The following VMP1 variants were observed in gnomAD, a reference collection of about 807,000 sequenced individuals.
VMP1 encodes vacuole membrane protein 1, also known as ectopic P-granules autophagy protein 3 homolog.
A neutral mutation model predicts 56.0 loss-of-function variants in VMP1; 11 were observed. The ratio of observed to expected loss-of-function variants is 0.20; its 90% CI spans 0.12 to 0.32. The LOEUF is 0.32. VMP1 is among the 10% of genes least tolerant of loss of function. The pLI is 1.00. For synonymous variants in VMP1, 149 were observed against 165.0 expected (o/e 0.90, Z 0.74); for missense variants, 296 against 490.3 (o/e 0.60, Z 3.74).
At chr17:59,738,327 G>T (rs1321284247) in intron 4 of VMP1, among the ~76,000 whole-genome samples, 1 of 152,122 alleles carries the variant, frequency 6.6e-6, no homozygotes. Flanking sequence ...AAACATTAAT[G>T]TATTTTAACA....
intron 1 of VMP1, among the ~76,000 whole-genome samples, chr17:59,714,313 C>T (rs1329151960): frequency 1.3e-5 from 2 of 151,902 alleles, no homozygotes; most frequent in African/African-American, 4.8e-5. Context: ...CAGTCCTACC[C>T]CCATGATAAC....
Position 59,817,792 on chromosome 17 carries a change from A to T in VMP1, c.974+19A>T, listed in dbSNP as rs201541309. 46 of 1,576,908 alleles carry T rather than the reference A, an allele frequency of 2.9e-5. No homozygotes were observed. The highest frequency in any genetic ancestry group is 3.6e-5 in the Non-Finnish European group (41 of 1,153,406). ...TCATTGGGTAAGTAATTCTTCAAGG[A>T]CTAATATTAATATAATTACTCTTTA... On this transcript the variant is annotated intron_variant, in intron 10 of 11. Transcript: ENST00000262291.
chr17:59,751,744 CAAAAAAAAAAAAAAAA>C (rs932086949), intron 5 of VMP1, among the ~76,000 whole-genome samples: 4 of 42,594 alleles, frequency 9.4e-5, no homozygotes, highest in Non-Finnish European at 1.4e-4. Context: ...AACTCCGTCT[CAAAAAAAAAAAAAAAA>C]AAAAAAAAGT....
intron 7 of VMP1, among the ~76,000 whole-genome samples, chr17:59,798,779 G>A (rs912331987): frequency 3.9e-5 from 6 of 152,100 alleles, no homozygotes; most frequent in African/African-American, 2.4e-5. Flanking sequence ...CCAGCTACTC[G>A]GGAGGCTGAG....
chr17:59,824,220 C>T (rs1347247641), intron 10 of VMP1, among the ~76,000 whole-genome samples: 1 of 149,830 alleles, frequency 6.7e-6, no homozygotes, highest in Non-Finnish European at 1.5e-5. Context: ...CACTGCACTC[C>T]AGCCTGGGCG....
In VMP1 at chr17:59,737,692, A is replaced by G. The variant is rs541346384; in HGVS notation, c.303+149A>G. ...TCTCAAATGTTTTACTTTTAAAGGCATACACTAAAAATATTCTTGTGATGT... is the reference window on the plus strand; with the variant it reads ...TCTCAAATGTTTTACTTTTAAAGGCGTACACTAAAAATATTCTTGTGATGT... On this transcript the variant is annotated intron_variant, in intron 4 of 11. Transcript: ENST00000262291. 9.8e-6 allele frequency: 6 copies of G among 610,138 alleles called. No homozygotes were observed. The South Asian group carries it at 1.4e-4, about 14-fold the overall frequency. The allele number at this position is 610,138 out of a possible 1,614,324, so 37.8% of individuals were successfully genotyped here.
At chr17:59,789,933 G>A (rs2037165044) in intron 7 of VMP1, among the ~76,000 whole-genome samples, 1 of 130,078 alleles carries the variant, frequency 7.7e-6, no homozygotes, top group African/African-American at 2.8e-5. Flanking sequence ...TCCACCTCCC[G>A]GGTTCAAGCG....
chr17:59,739,244 G>C (rs1263068233), intron 5 of VMP1, among the ~76,000 whole-genome samples: 2 of 152,150 alleles, frequency 1.3e-5, no homozygotes, highest in African/African-American at 4.8e-5. Context: ...TTAAGCAATT[G>C]TTATTTTAAT....
chr17:59,711,770 A>G (rs1182270532), intron 1 of VMP1, among the ~76,000 whole-genome samples: 1 of 152,228 alleles, frequency 6.6e-6, no homozygotes, highest in Non-Finnish European at 1.5e-5. Flanking sequence ...AGGGCAATCT[A>G]TTGAGTAATT....
chr17:59,775,169 C>A (rs1319268605), intron 7 of VMP1, among the ~76,000 whole-genome samples: 1 of 152,078 alleles, frequency 6.6e-6, no homozygotes, highest in Non-Finnish European at 1.5e-5. Context: ...TGGTCTTGAT[C>A]TCCTGACCTC....
chr17:59,772,997 C>T lies in VMP1; in HGVS notation c.583-757C>T, dbSNP rs1214345700. 8.6e-5 allele frequency among the ~76,000 whole-genome samples: 8 copies of T among 92,814 alleles called. No homozygotes were observed. In the Admixed American group the frequency reaches 1.1e-3, roughly 12 times the overall value. 60.9% of individuals were successfully genotyped at this position (92,814 alleles called of 152,430 possible). A position where few individuals can be genotyped will look rare whatever the true frequency, so the allele number is the denominator to read the frequency against. ...TTTTTTTTTGAGACAGAGTCTTGCT[C>T]TGTTGCCAGGCTGGAGTGTAGTGGT... is the stretch of plus-strand genomic sequence containing the variant. On this transcript the variant is annotated intron_variant, in intron 6 of 11. Coordinates refer to ENST00000262291, the MANE Select transcript of VMP1 (RefSeq NM_030938.5).
At chr17:59,771,561 A>G (rs2036424522) in intron 6 of VMP1, among the ~76,000 whole-genome samples, 1 of 150,794 alleles carries the variant, frequency 6.6e-6, no homozygotes, top group African/African-American at 2.4e-5. Context: ...GTTCTCTAGC[A>G]TCCTCCAAAG....
intron 6 of VMP1, among the ~76,000 whole-genome samples, chr17:59,769,044 C>A (rs1225166936): frequency 1.3e-5 from 2 of 151,674 alleles, no homozygotes; most frequent in African/African-American, 2.4e-5. Context: ...TTGCTTGAAC[C>A]CGGGAGGCAG....
chr17:59,828,439 C>T (rs2038710405), intron 10 of VMP1, among the ~76,000 whole-genome samples: 2 of 152,328 alleles, frequency 1.3e-5, no homozygotes, highest in South Asian at 4.1e-4. Flanking sequence ...TCCTTCTACA[C>T]AGCCAGAAAG....
chr17:59,812,340 G>A (rs1212368273), intron 9 of VMP1, among the ~76,000 whole-genome samples: 2 of 152,164 alleles, frequency 1.3e-5, no homozygotes, highest in Non-Finnish European at 2.9e-5. Flanking sequence ...GAAGAGGCGA[G>A]GAGATGTGGG....
At chr17:59,757,764 A>G (rs1215499095) in intron 5 of VMP1, among the ~76,000 whole-genome samples, 1 of 151,792 alleles carries the variant, frequency 6.6e-6, no homozygotes, top group Non-Finnish European at 1.5e-5. Flanking sequence ...CCAGATGTCC[A>G]ATATGTTGCA....
At position 59,841,519 on chromosome 17, in the gene VMP1, CAAAT is replaced by C. The variant is rs1433323920; in HGVS notation, c.*1616_*1619del. 9.6e-6 allele frequency: 2 copies of C among 208,994 alleles called. No homozygotes were observed. Among genetic ancestry groups the C allele is most frequent in the South Asian group, 5.9e-5 (1 of 16,934 alleles). 12.9% of individuals were successfully genotyped at this position (208,994 alleles called of 1,614,324 possible). A position where few individuals can be genotyped will look rare whatever the true frequency, so the allele number is the denominator to read the frequency against. On this transcript the variant is annotated 3_prime_UTR_variant, in exon 12 of 12. Transcript: ENST00000262291. The stretch of plus-strand genomic sequence containing the variant: ...GAAATGGGGATAGTCTTCATGACCA[CAAAT>C]AAATAAAGGAAAACTAAGCTGCATT...
intron 7 of VMP1, among the ~76,000 whole-genome samples, chr17:59,791,704 T>G: frequency 6.6e-6 from 1 of 152,012 alleles, no homozygotes; most frequent in Admixed American, 6.6e-5. Context: ...CCTCAAATGA[T>G]CTGCCCACCT....
In VMP1 at chr17:59,789,872, C is replaced by T. The variant is rs1401619238; in HGVS notation, c.714+15987C>T. On this transcript the variant is annotated intron_variant, in intron 7 of 11. Transcript: ENST00000262291. ...TTTTTTTTTTTGAGACGGAGTCTCC[C>T]TCTGTCACCCAGACTGGAGTGCAGT... 2.5e-5 allele frequency among the ~76,000 whole-genome samples: 3 copies of T among 118,240 alleles called. No homozygotes were observed. In the East Asian group the frequency reaches 9.3e-4, roughly 37 times the overall value. 77.6% of individuals were successfully genotyped at this position (118,240 alleles called of 152,430 possible).
Sources: allele counts gnomAD v4.1 joint callset (sites outside exome capture counted in the v4.1 genomes callset), GRCh38; gene constraint gnomAD v4.1.1; transcripts MANE v1.5; gene names NCBI Gene and HGNC (gene_info 2026-07-23, HGNC 2026-07-21).